The following VILL variants were observed in gnomAD, a reference collection of about 807,000 sequenced individuals.
The protein encoded by VILL is villin like.
A neutral mutation model predicts 106.3 loss-of-function variants in VILL; 102 were observed. That is an observed-to-expected ratio of 0.96 (90% CI 0.82 to 1.13). The LOEUF is 1.13. Among genes scored for constraint, VILL ranks in the 50% most tolerant of loss-of-function variants. VILL has a pLI of 0.00. For missense variants in VILL, 1,076 were observed against 1,116.6 expected, an observed-to-expected ratio of 0.96 and a Z score of 0.52; for synonymous variants, 431 against 440.3, an observed-to-expected ratio of 0.98 and a Z score of 0.27.
At chr3:38,005,011 G>C (rs966611828) in intron 16 of VILL, among the ~76,000 whole-genome samples, 2 of 152,200 alleles carry the variant, frequency 1.3e-5, no homozygotes, top group African/African-American at 4.8e-5. Flanking sequence ...AAGTGCTGTT[G>C]TGTTTGCATG....
In VILL at chr3:37,994,459, G is replaced by A. The variant is rs137965425; in HGVS notation, c.334G>A (p.Gly112Arg). Residue 112 changes from glycine to arginine, a missense_variant, in exon 4 of 20, where the codon GGA (glycine) becomes AGA (arginine). Coordinates refer to ENST00000383759, the MANE Select transcript of VILL (RefSeq NM_015873.4). ...SDCFCSYFRP[G>R]IIYRKGGLAS... ...CTGCTTCTGCAGCTACTTCCGCCCG[G>A]GAATCATGTGAGTGCGGGGGCGACC... The A allele has an allele frequency of 8.8e-4, 1,426 of 1,612,168 alleles. 3 individuals are homozygous for A. Among genetic ancestry groups the A allele is most frequent in the Non-Finnish European group, 1.1e-3 (1,307 of 1,179,774 alleles).
chr3:37,998,699 T>C lies in VILL; in HGVS notation c.943-213T>C, dbSNP rs2125533420. ...GGGGTCCGTGAGGGTTGACATGGCC[T>C]GTCCTGCACGAGGCCTAGACTAAGG... On this transcript the variant is annotated intron_variant, in intron 9 of 19. Transcript: ENST00000383759. This position sits in a 1 kb window ranked among gnomAD's most constrained non-coding sequence, Gnocchi z 4.1. Among the ~76,000 whole-genome samples the C allele has an allele frequency of 6.6e-6, 1 of 152,242 alleles. No individual in the cohort carries two copies. The highest frequency in any genetic ancestry group is 2.1e-4 in the South Asian group (1 of 4,824).
rs140987103 is a variant in VILL at position 37,995,081 on chromosome 3, A to G, written c.341+615A>G. On this transcript the variant is annotated intron_variant, in intron 4 of 19. Transcript: ENST00000383759. ...TGTATACAAGTTTTTGTGTGGACAA[A>G]TGTTTTCATTTCCCTTGGTATATAC... Among the ~76,000 whole-genome samples the G allele has an allele frequency of 2.2e-3, 339 of 152,324 alleles. 1 individual carries two copies. Among genetic ancestry groups the G allele is most frequent in the African/African-American group, 7.8e-3 (326 of 41,570 alleles).
Position 37,997,244 on chromosome 3 carries a change from C to T in VILL, c.561+57C>T. On this transcript the variant is annotated intron_variant, in intron 6 of 19. Transcript: ENST00000383759. The surrounding 1 kb of genome is among the most constrained non-coding windows in gnomAD (Gnocchi z 4.7). ...GGGGCTTGGGCGGGGAATGATCCTCCAGTTGACCATCCTCCGGCCACCCAA... is the reference window on the plus strand; with the variant it reads ...GGGGCTTGGGCGGGGAATGATCCTCTAGTTGACCATCCTCCGGCCACCCAA... The T allele has an allele frequency of 1.3e-6, 2 of 1,551,970 alleles. No individual in the cohort carries two copies. The highest frequency in any genetic ancestry group is 1.8e-6 in the Non-Finnish European group (2 of 1,125,692).
upstream of VILL, chr3:37,987,998 T>G (rs1027926525): frequency 2.6e-5 from 4 of 152,326 alleles, no homozygotes; most frequent in East Asian, 7.7e-4. Flanking sequence ...GAGACCAGCT[T>G]CTTGGAGCAC....
upstream of VILL, among the ~76,000 whole-genome samples, chr3:37,989,419 A>T (rs1699584752): frequency 6.6e-6 from 1 of 152,170 alleles, no homozygotes; most frequent in African/African-American, 2.4e-5. Flanking sequence ...GAAAACAAAC[A>T]GGAGTGAAGG....
chr3:38,001,552 C>T lies in VILL; in HGVS notation c.1279C>T (p.Gln427Ter), dbSNP rs770886153. Residue 427 changes from glutamine to a stop codon, truncating the protein, a stop_gained, in exon 12 of 20, where the codon CAG becomes TAG. Transcript: ENST00000383759. LOFTEE classifies it high-confidence loss of function. Reference sequence around the variant, plus strand: ...CTGCTACCTTGTGCTCTACACATACCAGAGGCTGGGCCGTGTCCAGTACAT... The same window carrying T: ...CTGCTACCTTGTGCTCTACACATACTAGAGGCTGGGCCGTGTCCAGTACAT... ...GNCYLVLYTY[Q>*]RLGRVQYILY... 1.2e-6 allele frequency: 2 copies of T among 1,614,218 alleles called. No homozygotes were observed. Among genetic ancestry groups the T allele is most frequent in the Non-Finnish European group, 1.7e-6 (2 of 1,180,036 alleles).
intron 3 of VILL, 41 bp from the exon 4 acceptor site, chr3:37,994,220 G>A: frequency 1.3e-6 from 2 of 1,565,748 alleles, no homozygotes; most frequent in Non-Finnish European, 1.7e-6. Context: ...CCGCACCTCC[G>A]TCTTCCCCGC....
chr3:37,998,402 T>C lies in VILL; in HGVS notation c.942+38T>C. 6.3e-7 allele frequency: 1 copy of C among 1,586,396 alleles called. No individual in the cohort carries two copies. The highest frequency in any genetic ancestry group is 1.1e-5 in the South Asian group (1 of 90,396). On this transcript the variant is annotated intron_variant, in intron 9 of 19. Transcript: ENST00000383759. This position sits in a 1 kb window ranked among gnomAD's most constrained non-coding sequence, Gnocchi z 4.1. ...GCTCTGTCTGAGAGGAACAGAGCAC[T>C]GCCCTGGGGTCTGAGTGGGGAGGCA...
At position 37,999,328 on chromosome 3, in the gene VILL, C is replaced by A; in HGVS notation, c.1082-11C>A. On this transcript the variant is annotated splice_polypyrimidine_tract_variant and intron_variant, in intron 10 of 19. Coordinates refer to ENST00000383759, the MANE Select transcript of VILL (RefSeq NM_015873.4). ...AGAGGGCGCCACTGACGCCTACTGT[C>A]CCCCCTTCAGATAAATCGATTCATG... The A allele has an allele frequency of 6.6e-7, 1 of 1,507,936 alleles. No homozygotes were observed. The allele number at this position is 1,507,936 out of a possible 1,614,324, so 93.4% of individuals were successfully genotyped here.
upstream of VILL, among the ~76,000 whole-genome samples, chr3:37,989,098 G>A (rs1050320121): frequency 4.6e-5 from 7 of 152,136 alleles, no homozygotes; most frequent in Non-Finnish European, 1.0e-4. Flanking sequence ...GGAGGGCCAG[G>A]CCCAGGATCC....
At chr3:38,002,181 A>G in intron 13 of VILL, 1 of 633,446 alleles carries the variant, frequency 1.6e-6, no homozygotes, top group Non-Finnish European at 2.7e-6. Flanking sequence ...GATGGGGGGA[A>G]AGGTCCATTT....
At position 37,998,070 on chromosome 3, in the gene VILL, C is replaced by T. The variant is rs1352205224; in HGVS notation, c.765-20C>T. Reference sequence around the variant, plus strand: ...CAGGGAGGGGCTGGGCTGGCCACTCCTGGGTTCCTGTCCCCCCAGTGTCTA... The same window carrying T: ...CAGGGAGGGGCTGGGCTGGCCACTCTTGGGTTCCTGTCCCCCCAGTGTCTA... On this transcript the variant is annotated intron_variant, in intron 7 of 19. Coordinates refer to ENST00000383759, the MANE Select transcript of VILL (RefSeq NM_015873.4). The surrounding 1 kb of genome is among the most constrained non-coding windows in gnomAD (Gnocchi z 4.1). The T allele has an allele frequency of 1.3e-6, 2 of 1,591,072 alleles. No individual in the cohort carries two copies. Among genetic ancestry groups the T allele is most frequent in the Non-Finnish European group, 8.6e-7 (1 of 1,168,028 alleles).
In VILL at chr3:37,995,718, C is replaced by A. The variant is rs201763873; in HGVS notation, c.342-21C>A. 511 of 1,594,716 alleles carry A rather than the reference C, an allele frequency of 3.2e-4. 5 individuals carry two copies. In the South Asian group the frequency reaches 5.3e-3, roughly 16 times the overall value. On this transcript the variant is annotated intron_variant, in intron 4 of 19. Coordinates refer to ENST00000383759, the MANE Select transcript of VILL (RefSeq NM_015873.4). ...CTTATATACACAGAATGTATATACC[C>A]TCCTGCTATTCCCACCTCAGCTACA...
chr3:37,999,421 C>T lies in VILL; in HGVS notation c.1164C>T (p.Asp388=), dbSNP rs756687592. 2.7e-6 allele frequency: 4 copies of T among 1,482,176 alleles called. No individual in the cohort carries two copies. The highest frequency in any genetic ancestry group is 2.8e-5 in the South Asian group (2 of 71,430). 91.8% of individuals were successfully genotyped at this position (1,482,176 alleles called of 1,614,324 possible). A position where few individuals can be genotyped will look rare whatever the true frequency, so the allele number is the denominator to read the frequency against. ...KLAAQLRMVD[D]GSGKVEVWCI... ...CGGCCCAGCTCAGGATGGTGGACGA[C>T]GGCTCTGGGAAGGTGGAGGTGAGGG... The change falls in exon 11 of 20, where the codon GAC becomes GAT. Residue 388 remains aspartate, a synonymous_variant. Transcript: ENST00000383759.
At chr3:37,989,899 G>A (rs1699589400), upstream of VILL, among the ~76,000 whole-genome samples, 1 of 152,190 alleles carries the variant, frequency 6.6e-6, no homozygotes, top group Non-Finnish European at 1.5e-5. Flanking sequence ...ACTAGCTGTA[G>A]GTCTTGCTGG....
chr3:38,001,511 A>G lies in VILL; in HGVS notation c.1238A>G (p.Gln413Arg). The G allele has an allele frequency of 1.2e-6, 2 of 1,614,248 alleles. No individual in the cohort carries two copies. Residue 413 changes from glutamine (Q) to arginine (R), a missense_variant, in exon 12 of 20, where the codon CAG becomes CGG. By Grantham distance (43) the Gln-to-Arg change is conservative. Transcript: ENST00000383759. ...CCCGTGGACCCCAAGCGTCATGGAC[A>G]GCTGTGTGCAGGCAACTGCTACCTT... ...RQPVDPKRHG[Q>R]LCAGNCYLVL...
chr3:38,004,121 C>T (rs1176506026), intron 15 of VILL, 134 bp from the exon 16 acceptor site: 1 of 1,265,980 alleles, frequency 7.9e-7, no homozygotes. Context: ...CGGGGAGAAA[C>T]CACGGGGCTC....
chr3:38,006,490 C>T lies in VILL; in HGVS notation c.2247C>T (p.Gly749=), dbSNP rs1699928081. ...GGCTATCCAGATGGCCGGGCAATGG[C>T]AGGGCAGGTGCCGTGGCCCTGCAGG... ...NLRLSRWPGN[G]RAGAVALQAL... The change falls in exon 19 of 20, where the codon GGC becomes GGT. Residue 749 remains glycine, a synonymous_variant. Transcript: ENST00000383759. The T allele has an allele frequency of 6.2e-7, 1 of 1,608,224 alleles. No homozygotes were observed. The highest frequency in any genetic ancestry group is 8.5e-7 in the Non-Finnish European group (1 of 1,175,466).
Sources: gnomAD v4.1 joint callset for allele counts (sites outside exome capture counted in the v4.1 genomes callset) on GRCh38, gnomAD v4.1.1 for gene constraint, Gnocchi (gnomAD v3.1) non-coding constraint, MANE v1.5 for transcripts, NCBI Gene and HGNC (gene_info 2026-07-23, HGNC 2026-07-21) for gene names.